Variants in FSTL4 observed in about 807,000 individuals in gnomAD.
The protein encoded by FSTL4 is follistatin-related protein 4.
In FSTL4, 28 loss-of-function variants were observed where a neutral mutation model predicts 78.2. The observed-to-expected ratio is 0.36, with a 90% CI of 0.27 to 0.49. The LOEUF (loss-of-function observed/expected upper bound fraction) is 0.49. Ranked by LOEUF, FSTL4 falls within the 20% of genes least tolerant of loss-of-function variation. The probability of loss-of-function intolerance (pLI) is 0.98; values close to 1 mark genes in which losing one functional copy is unlikely to be tolerated. For missense variants in FSTL4, 922 were observed against 1,084.9 expected, an observed-to-expected ratio of 0.85 and a Z score of 2.11; for synonymous variants, 422 against 440.5, an observed-to-expected ratio of 0.96 and a Z score of 0.53.
intron 7 of FSTL4, among the ~76,000 whole-genome samples, chr5:133,242,942 C>T (rs1463175798): frequency 6.6e-6 from 1 of 152,210 alleles, no homozygotes; most frequent in African/African-American, 2.4e-5. Flanking sequence ...ACAATGAATT[C>T]ATGACTGGTT....
chr5:133,572,554 C>CA (rs983978843), intron 2 of FSTL4, among the ~76,000 whole-genome samples: 1 of 151,576 alleles, frequency 6.6e-6, no homozygotes, highest in African/African-American at 2.4e-5. Flanking sequence ...ACTTTTAAGG[C>CA]AAAAACGCAG....
intron 3 of FSTL4, among the ~76,000 whole-genome samples, chr5:133,433,366 C>G (rs1014081996): frequency 6.6e-6 from 1 of 152,176 alleles, no homozygotes. Flanking sequence ...AACGGGGTAC[C>G]CACGCAAGGG....
At chr5:133,773,787 T>C in the FSTL4 span, among the ~76,000 whole-genome samples, 1 of 152,202 alleles carries the variant, frequency 6.6e-6, no homozygotes, top group African/African-American at 2.4e-5. Context: ...TTCTCCTGAC[T>C]TTTAAAATAA....
chr5:133,270,474 G>A (rs748404652), intron 6 of FSTL4, among the ~76,000 whole-genome samples: 6 of 152,152 alleles, frequency 3.9e-5, no homozygotes, highest in African/African-American at 4.8e-5. Flanking sequence ...TTAGCGCTCC[G>A]TTCCTGAAAC....
the FSTL4 span, among the ~76,000 whole-genome samples, chr5:133,701,013 T>C: frequency 2.6e-5 from 4 of 152,300 alleles, no homozygotes; most frequent in South Asian, 6.2e-4. Flanking sequence ...CCATTTTGTG[T>C]AGATAAGAAA....
the FSTL4 span, among the ~76,000 whole-genome samples, chr5:133,744,950 A>G: frequency 6.6e-6 from 1 of 152,202 alleles, no homozygotes; most frequent in African/African-American, 2.4e-5. Context: ...TACCTGGTCC[A>G]TCAAAGGGAC....
At chr5:133,651,225 A>T in the FSTL4 span, among the ~76,000 whole-genome samples, 1 of 151,884 alleles carries the variant, frequency 6.6e-6, no homozygotes. Flanking sequence ...TATAACTTTT[A>T]TTTCCCTTTC....
chr5:133,783,803 A>G, the FSTL4 span, among the ~76,000 whole-genome samples: 1 of 152,114 alleles, frequency 6.6e-6, no homozygotes, highest in African/African-American at 2.4e-5. Flanking sequence ...TCTAAAAGAA[A>G]ATGAATCACC....
chr5:133,241,765 CCTG>C (rs1751880513), intron 7 of FSTL4, among the ~76,000 whole-genome samples: 1 of 152,154 alleles, frequency 6.6e-6, no homozygotes, highest in African/African-American at 2.4e-5. Context: ...CTTTGGGAAA[CCTG>C]CAACCCTCTT....
the FSTL4 span, among the ~76,000 whole-genome samples, chr5:133,653,405 C>T: frequency 4.6e-5 from 7 of 152,164 alleles, no homozygotes; most frequent in Non-Finnish European, 7.3e-5. Context: ...ATCCTAACCA[C>T]TCTGGGTCAC....
intron 3 of FSTL4, among the ~76,000 whole-genome samples, chr5:133,526,271 C>A (rs983208883): frequency 2.0e-5 from 3 of 151,974 alleles, no homozygotes; most frequent in Non-Finnish European, 2.9e-5. Context: ...TTCATGAAAC[C>A]AAGGGGGTAG....
intron 3 of FSTL4, among the ~76,000 whole-genome samples, chr5:133,547,065 A>G (rs1288894430): frequency 6.6e-6 from 1 of 152,224 alleles, no homozygotes; most frequent in Non-Finnish European, 1.5e-5. Flanking sequence ...TGGAATCACC[A>G]TAAAGACTTC....
chr5:133,728,782 T>C, the FSTL4 span, among the ~76,000 whole-genome samples: 176 of 151,408 alleles, frequency 1.2e-3, no homozygotes, highest in African/African-American at 4.0e-3. Flanking sequence ...TGTTCTTTAA[T>C]TGTGAGCAAT....
intron 3 of FSTL4, among the ~76,000 whole-genome samples, chr5:133,453,168 G>A (rs1175733819): frequency 6.6e-6 from 1 of 152,056 alleles, no homozygotes; most frequent in Non-Finnish European, 1.5e-5. Context: ...TACATCCAAC[G>A]ACAACACAGA....
chr5:133,380,639 TA>T (rs1755546368), intron 4 of FSTL4, among the ~76,000 whole-genome samples: 1 of 151,620 alleles, frequency 6.6e-6, no homozygotes, highest in Non-Finnish European at 1.5e-5. Context: ...TTCCACAAAA[TA>T]AAAGAGAAGG....
chr5:133,474,260 C>T (rs1437406024), intron 3 of FSTL4, among the ~76,000 whole-genome samples: 2 of 152,138 alleles, frequency 1.3e-5, no homozygotes, highest in African/African-American at 4.8e-5. Context: ...ACCCCTGCAT[C>T]ACCCTCTCTC....
chr5:133,311,708 G>A (rs993384311), intron 6 of FSTL4, among the ~76,000 whole-genome samples: 1 of 152,200 alleles, frequency 6.6e-6, no homozygotes, highest in Non-Finnish European at 1.5e-5. Context: ...TGTGGCTCAG[G>A]GTACTCAGTG....
chr5:133,492,988 T>C (rs1758297662), intron 3 of FSTL4, among the ~76,000 whole-genome samples: 1 of 152,146 alleles, frequency 6.6e-6, no homozygotes, highest in African/African-American at 2.4e-5. Context: ...CTAATATGTT[T>C]TTAAATCATT....
chr5:133,428,355 C>T (rs1281104287), intron 3 of FSTL4, among the ~76,000 whole-genome samples: 1 of 152,188 alleles, frequency 6.6e-6, no homozygotes, highest in East Asian at 1.9e-4. Context: ...CTGCCCTAAG[C>T]TGGTGCCTTA....
Sources: gnomAD v4.1 joint callset for allele counts (sites outside exome capture counted in the v4.1 genomes callset) on GRCh38, gnomAD v4.1.1 for gene constraint, MANE v1.5 for transcripts, NCBI Gene and HGNC (gene_info 2026-07-23, HGNC 2026-07-21) for gene names.